The following RCOR1 variants were observed in gnomAD, a reference collection of about 807,000 sequenced individuals.
RCOR1 encodes the protein REST corepressor.
RCOR1 carries 12 observed loss-of-function variants against 64.0 expected under a neutral mutation model. The ratio of observed to expected loss-of-function variants is 0.19; its 90% CI spans 0.12 to 0.30. The LOEUF (loss-of-function observed/expected upper bound fraction) is 0.30, where lower values mean the gene tolerates loss of function less well. RCOR1 is among the 10% of genes least tolerant of loss of function. The pLI, the probability that RCOR1 is intolerant of heterozygous loss-of-function variation, is 1.00. For synonymous variants in RCOR1, 279 were observed against 227.2 expected (o/e 1.23, Z -2.05); for missense variants, 502 against 621.2 (o/e 0.81, Z 2.04).
At position 102,600,526 on chromosome 14, in the gene RCOR1, C is replaced by T. The variant is rs562920644; in HGVS notation, c.361+7201C>T. 1.8e-3 allele frequency among the ~76,000 whole-genome samples: 277 copies of T among 151,866 alleles called. 2 individuals are homozygous for T. Among genetic ancestry groups the T allele is most frequent in the Non-Finnish European group, 3.3e-3 (224 of 67,972 alleles). On this transcript the variant is annotated intron_variant, in intron 2 of 11. Transcript: ENST00000262241. ...AAGTGCTTCTCCTGCCTCAGCCTCC[C>T]GAGTAGCTAGGACTACAGGTGTGTG... is the stretch of plus-strand genomic sequence containing the variant.
At chr14:102,697,272 G>T (rs891674234) in intron 3 of RCOR1, among the ~76,000 whole-genome samples, 2 of 152,190 alleles carry the variant, frequency 1.3e-5, no homozygotes, top group South Asian at 2.1e-4. Flanking sequence ...GAAGGTCAGG[G>T]CGTTGCTAAA....
intron 3 of RCOR1, among the ~76,000 whole-genome samples, chr14:102,699,174 C>T (rs939398063): frequency 4.6e-5 from 7 of 152,338 alleles, no homozygotes; most frequent in East Asian, 3.9e-4. Context: ...CGTGAGCCAC[C>T]GCGCCTGGCC....
chr14:102,654,087 G>A (rs1395957463), intron 2 of RCOR1, among the ~76,000 whole-genome samples: 1 of 146,562 alleles, frequency 6.8e-6, no homozygotes, highest in African/African-American at 2.5e-5. Flanking sequence ...CCGGGTTCAC[G>A]CCATTCTCCT....
chr14:102,631,766 T>C (rs1894116585), intron 2 of RCOR1, among the ~76,000 whole-genome samples: 1 of 152,186 alleles, frequency 6.6e-6, no homozygotes, highest in African/African-American at 2.4e-5. Flanking sequence ...CCATCAACTC[T>C]TCTTTTCTGT....
At chr14:102,599,319 CAA>C (rs1687102248) in intron 2 of RCOR1, among the ~76,000 whole-genome samples, 1 of 152,158 alleles carries the variant, frequency 6.6e-6, no homozygotes, top group East Asian at 1.9e-4. Context: ...TTTGTAGAGA[CAA>C]GAGTTTTGCC....
At chr14:102,707,573 A>C in intron 5 of RCOR1, 61 bp downstream of exon 5, 2 of 1,318,050 alleles carry the variant, frequency 1.5e-6, no homozygotes, top group Non-Finnish European at 2.1e-6. Context: ...CTTTTGCAGC[A>C]TACTTGAGAT....
chr14:102,726,169 G>A (rs1896257207), intron 11 of RCOR1, among the ~76,000 whole-genome samples: 1 of 151,682 alleles, frequency 6.6e-6, no homozygotes, highest in Non-Finnish European at 1.5e-5. Flanking sequence ...TCTACTGAAG[G>A]TACAAAAATT....
Position 102,681,928 on chromosome 14 carries a change from A to G in RCOR1, c.395A>G (p.Asn132Ser), listed in dbSNP as rs762082861. 8.7e-6 allele frequency: 14 copies of G among 1,613,886 alleles called. No individual in the cohort carries two copies. Among genetic ancestry groups the G allele is most frequent in the African/African-American group, 1.3e-5 (1 of 74,924 alleles). Reference protein sequence around the residue: ...KLARRSQERDNLGMLVWSPNQ... With the variant: ...KLARRSQERDSLGMLVWSPNQ... ...GCAAGACGCAGTCAAGAACGGGACA[A>G]TCTTGGCATGTTGGTCTGGTCACCC... The change falls in exon 3 of 12, where the codon AAT becomes AGT. Residue 132 changes from asparagine to serine, a missense_variant. Physicochemically the swap from Asn to Ser is conservative, Grantham distance 46. Transcript: ENST00000262241.
At chr14:102,636,228 A>G (rs567313413) in intron 2 of RCOR1, among the ~76,000 whole-genome samples, 3 of 152,010 alleles carry the variant, frequency 2.0e-5, no homozygotes, top group East Asian at 3.9e-4. Context: ...GTGAGCAACC[A>G]CACCCGGCAG....
At chr14:102,606,627 G>GT (rs1307882389) in intron 2 of RCOR1, among the ~76,000 whole-genome samples, 3,760 of 139,314 alleles carry the variant, frequency 0.027, 60 homozygotes, top group Admixed American at 0.055. Flanking sequence ...CAGGTTTTAA[G>GT]TTTTTTTTTT....
chr14:102,708,540 A>G lies in RCOR1; in HGVS notation c.736A>G (p.Met246Val). 6.2e-7 allele frequency: 1 copy of G among 1,612,804 alleles called. No individual in the cohort carries two copies. The highest frequency in any genetic ancestry group is 8.5e-7 in the Non-Finnish European group (1 of 1,179,008). ...WKKTRTKTSVMDRHARKQKRE... is the reference protein window; with the variant it reads ...WKKTRTKTSVVDRHARKQKRE... ...GAAGACGAGGACTAAAACTAGTGTG[A>G]TGGATCGCCATGCCCGGAAACAAAA... The change falls in exon 6 of 12, where the codon ATG becomes GTG. Residue 246 changes from methionine to valine, a missense_variant. Physicochemically the swap from Met to Val is conservative, Grantham distance 21. This residue lies in a region of RCOR1 where 260 missense variants were observed against 416.4 expected (regional missense o/e 0.62). Coordinates refer to ENST00000262241, the MANE Select transcript of RCOR1 (RefSeq NM_015156.4).
chr14:102,647,124 C>T (rs1894492269), intron 2 of RCOR1, among the ~76,000 whole-genome samples: 3 of 152,140 alleles, frequency 2.0e-5, no homozygotes, highest in African/African-American at 4.8e-5. Flanking sequence ...GAGTGCCCAG[C>T]GCAGGGAATA....
chr14:102,672,461 C>G (rs1895050170), intron 2 of RCOR1, among the ~76,000 whole-genome samples: 1 of 152,130 alleles, frequency 6.6e-6, no homozygotes, highest in Non-Finnish European at 1.5e-5. Flanking sequence ...ATCCGCCCGC[C>G]TCGGCTTCCC....
At chr14:102,665,391 G>A (rs1250809780) in intron 2 of RCOR1, among the ~76,000 whole-genome samples, 1 of 150,926 alleles carries the variant, frequency 6.6e-6, no homozygotes, top group Non-Finnish European at 1.5e-5. Flanking sequence ...AGTGTTCTGA[G>A]CATGTTTAAG....
rs28654389 is a variant in RCOR1 at position 102,711,356 on chromosome 14, A to G, written c.858+343A>G. 6.9e-3 allele frequency among the ~76,000 whole-genome samples: 1,047 copies of G among 152,302 alleles called. 10 individuals are homozygous for G. Among genetic ancestry groups the G allele is most frequent in the African/African-American group, 0.024 (999 of 41,560 alleles). On this transcript the variant is annotated intron_variant, in intron 7 of 11. Transcript: ENST00000262241. ...CAGCCTTAGGGTCTCCATTCACGCTATAGATGCCCCAGCGTCTGCCCATCC... is the reference window on the plus strand; with the variant it reads ...CAGCCTTAGGGTCTCCATTCACGCTGTAGATGCCCCAGCGTCTGCCCATCC...
At chr14:102,691,699 A>G (rs1041023765) in intron 3 of RCOR1, among the ~76,000 whole-genome samples, 13 of 152,244 alleles carry the variant, frequency 8.5e-5, no homozygotes, top group African/African-American at 3.1e-4. Flanking sequence ...ACATAGCTGA[A>G]TGAGTTGAAT....
At chr14:102,721,508 A>G (rs1461862842) in intron 10 of RCOR1, 131 bp downstream of exon 10, 15 of 536,282 alleles carry the variant, frequency 2.8e-5, no homozygotes, top group South Asian at 6.8e-5. Flanking sequence ...CCATGATCAC[A>G]CCACTGCATT....
At chr14:102,653,932 T>C (rs1379896099) in intron 2 of RCOR1, among the ~76,000 whole-genome samples, 3 of 29,384 alleles carry the variant, frequency 1.0e-4, no homozygotes, top group African/African-American at 6.0e-4. Flanking sequence ...TCTTTCTTTC[T>C]TTCTTTCTTT....
At chr14:102,627,834 A>G (rs1437361330) in intron 2 of RCOR1, among the ~76,000 whole-genome samples, 2 of 152,086 alleles carry the variant, frequency 1.3e-5, no homozygotes, top group Non-Finnish European at 2.9e-5. Context: ...TAAATCCAGC[A>G]ATCTGTTTGC....
Sources: allele counts gnomAD v4.1 joint callset (sites outside exome capture counted in the v4.1 genomes callset), GRCh38; gene constraint gnomAD v4.1.1; regional missense constraint gnomAD v4.1.1; transcripts MANE v1.5; gene names NCBI Gene and HGNC (gene_info 2026-07-23, HGNC 2026-07-21).